Variants in SEMA3E observed in about 807,000 individuals in gnomAD.
SEMA3E encodes semaphorin 3E.
SEMA3E carries 49 observed loss-of-function variants against 93.6 expected under a neutral mutation model. The ratio of observed to expected loss-of-function variants is 0.52; its 90% CI spans 0.42 to 0.66. The LOEUF (loss-of-function observed/expected upper bound fraction) is 0.66. SEMA3E is among the 30% of genes least tolerant of loss of function. SEMA3E has a pLI of 0.00. For synonymous variants in SEMA3E, 363 were observed against 330.7 expected (o/e 1.10, Z -1.06); for missense variants, 906 against 964.8 (o/e 0.94, Z 0.81).
At position 83,510,552 on chromosome 7, in the gene SEMA3E, T is replaced by C. The variant is rs1270175930; in HGVS notation, c.116-20278A>G. Among the ~76,000 whole-genome samples the C allele has an allele frequency of 2.0e-5, 3 of 152,164 alleles. No individual in the cohort carries two copies. The South Asian group carries it at 6.2e-4, about 31-fold the overall frequency. On this transcript the variant is annotated intron_variant, in intron 1 of 16. Transcript: ENST00000643230. ...ACTTTTTCCTTCAAACATTGAACCA[T>C]GAAGAAATGCCACAGATTTCCAAGG...
chr7:83,395,922 A>G (rs1788109827), intron 12 of SEMA3E, among the ~76,000 whole-genome samples: 1 of 152,150 alleles, frequency 6.6e-6, no homozygotes, highest in South Asian at 2.1e-4. Flanking sequence ...TAATTACGTT[A>G]TAAATAGAAA....
intron 1 of SEMA3E, among the ~76,000 whole-genome samples, chr7:83,559,625 G>A (rs1316002818): frequency 6.6e-6 from 1 of 151,896 alleles, no homozygotes; most frequent in Non-Finnish European, 1.5e-5. Flanking sequence ...TCGGTGGGAA[G>A]GCAAAATGAG....
chr7:83,567,160 A>T (rs914228081), intron 1 of SEMA3E, among the ~76,000 whole-genome samples: 2 of 152,202 alleles, frequency 1.3e-5, no homozygotes, highest in African/African-American at 4.8e-5. Flanking sequence ...GTAAAAATAG[A>T]TGAAGAAAGC....
intron 1 of SEMA3E, among the ~76,000 whole-genome samples, chr7:83,630,535 T>C (rs1219932610): frequency 1.3e-5 from 2 of 152,160 alleles, no homozygotes; most frequent in Non-Finnish European, 2.9e-5. Flanking sequence ...TATGTAGATT[T>C]ATGGTAGAGC....
chr7:83,416,805 A>T (rs2713150), intron 5 of SEMA3E, among the ~76,000 whole-genome samples: 1 of 151,644 alleles, frequency 6.6e-6, no homozygotes, highest in African/African-American at 2.4e-5. Flanking sequence ...ATGGTGTGAG[A>T]CTATGAGATA....
chr7:83,455,770 C>T (rs1486650720), intron 4 of SEMA3E, among the ~76,000 whole-genome samples: 1 of 152,226 alleles, frequency 6.6e-6, no homozygotes, highest in Non-Finnish European at 1.5e-5. Flanking sequence ...TATGACAGGG[C>T]CGCATGGCAA....
At chr7:83,405,869 C>A in intron 8 of SEMA3E, 76 bp downstream of exon 8, 1 of 1,104,216 alleles carries the variant, frequency 9.1e-7, no homozygotes, top group East Asian at 2.4e-5. Flanking sequence ...AAGCAAGTTT[C>A]TATGTGTCCT....
intron 16 of SEMA3E, among the ~76,000 whole-genome samples, chr7:83,374,056 A>G (rs1273531343): frequency 1.3e-5 from 2 of 151,944 alleles, no homozygotes; most frequent in South Asian, 2.1e-4. Flanking sequence ...AAAATACAAA[A>G]TTAGCCAGGT....
intron 1 of SEMA3E, among the ~76,000 whole-genome samples, chr7:83,546,324 GTGTGTGTGT>G (rs1791650122): frequency 9.8e-5 from 1 of 10,154 alleles, no homozygotes; most frequent in African/African-American, 5.9e-4. Context: ...AATAAGGGGT[GTGTGTGTGT>G]GTGTGTGTGT....
At chr7:83,403,311 T>C (rs756885604) in intron 9 of SEMA3E, among the ~76,000 whole-genome samples, 2 of 151,946 alleles carry the variant, frequency 1.3e-5, no homozygotes, top group Non-Finnish European at 2.9e-5. Flanking sequence ...CGGGGGTTCA[T>C]GTAAACTTTA....
In SEMA3E at chr7:83,549,754, G is replaced by C. The variant is rs560589023; in HGVS notation, c.116-59480C>G. Among the ~76,000 whole-genome samples, 57 of 152,004 alleles carry C rather than the reference G, an allele frequency of 3.7e-4. 1 individual carries two copies. The Middle Eastern group carries it at 0.01, about 27-fold the overall frequency. ...CAGACAAGTATACTAAAAGTTCTAG[G>C]CTTCCTCATGAGTGTCAGCAACATG... On this transcript the variant is annotated intron_variant, in intron 1 of 16. Transcript: ENST00000643230.
intron 1 of SEMA3E, among the ~76,000 whole-genome samples, chr7:83,566,638 G>A (rs1326831118): frequency 6.6e-6 from 1 of 151,958 alleles, no homozygotes; most frequent in Non-Finnish European, 1.5e-5. Flanking sequence ...GGTGTTATTT[G>A]TCCCAACATA....
intron 1 of SEMA3E, among the ~76,000 whole-genome samples, chr7:83,540,068 G>A (rs1246783467): frequency 6.6e-6 from 1 of 152,092 alleles, no homozygotes; most frequent in Admixed American, 6.6e-5. Flanking sequence ...ATTTTTAGTA[G>A]AGACGGCGTT....
At chr7:83,436,010 A>G (rs1428443113) in intron 4 of SEMA3E, among the ~76,000 whole-genome samples, 2 of 152,140 alleles carry the variant, frequency 1.3e-5, no homozygotes, top group Non-Finnish European at 2.9e-5. Context: ...TTGATGTTAA[A>G]TTATTTCATG....
At chr7:83,441,800 C>G (rs1789119857) in intron 4 of SEMA3E, among the ~76,000 whole-genome samples, 1 of 152,144 alleles carries the variant, frequency 6.6e-6, no homozygotes, top group Admixed American at 6.6e-5. Context: ...CAATTAATAT[C>G]ACCACTGTCA....
intron 2 of SEMA3E, among the ~76,000 whole-genome samples, chr7:83,477,408 CAAG>C (rs1359960184): frequency 6.6e-6 from 1 of 151,884 alleles, no homozygotes; most frequent in Non-Finnish European, 1.5e-5. Context: ...TTATTAAAAA[CAAG>C]AAAATATATT....
At position 83,406,070 on chromosome 7, in the gene SEMA3E, C is replaced by A. The variant is rs781715218; in HGVS notation, c.814-11G>T. 74 of 1,574,046 alleles carry A rather than the reference C, an allele frequency of 4.7e-5. No homozygotes were observed. The highest frequency in any genetic ancestry group is 6.8e-5 in the African/African-American group (5 of 73,966). On this transcript the variant is annotated splice_polypyrimidine_tract_variant and intron_variant, in intron 7 of 16. Transcript: ENST00000643230. ...CCCTCCTACATCATTCTGTGAAAAC[C>A]AAAAAGGAGGTAAATAGTTACCTAA...
At chr7:83,369,494 A>T (rs185080640) in intron 16 of SEMA3E, among the ~76,000 whole-genome samples, 1 of 152,190 alleles carries the variant, frequency 6.6e-6, no homozygotes, top group African/African-American at 2.4e-5. Flanking sequence ...TTCAGCCATT[A>T]TAAGTAAGTT....
At chr7:83,505,111 A>G (rs1381009578) in intron 1 of SEMA3E, among the ~76,000 whole-genome samples, 1 of 152,214 alleles carries the variant, frequency 6.6e-6, no homozygotes, top group East Asian at 1.9e-4. Flanking sequence ...GATATTTCCC[A>G]TATTTTATGC....
Sources: allele counts gnomAD v4.1 joint callset (sites outside exome capture counted in the v4.1 genomes callset), GRCh38; gene constraint gnomAD v4.1.1; transcripts MANE v1.5; gene names NCBI Gene and HGNC (gene_info 2026-07-23, HGNC 2026-07-21).